CTIF: variants seen among roughly 807,000 people sequenced by gnomAD.
The protein encoded by CTIF is CBP80/20-dependent translation initiation factor.
A neutral mutation model predicts 66.0 loss-of-function variants in CTIF; 21 were observed. The ratio of observed to expected loss-of-function variants is 0.32; its 90% CI spans 0.23 to 0.46. CTIF has a LOEUF of 0.46. Among genes scored for constraint, CTIF ranks in the 20% least tolerant of loss-of-function variants. The pLI is 1.00. For synonymous variants in CTIF, 345 were observed against 326.4 expected (o/e 1.06, Z -0.62); for missense variants, 739 against 812.7 (o/e 0.91, Z 1.10).
chr18:48,632,067 A>G (rs980597976), intron 2 of CTIF, among the ~76,000 whole-genome samples: 2 of 152,200 alleles, frequency 1.3e-5, no homozygotes, highest in Non-Finnish European at 2.9e-5. Flanking sequence ...CTGTGCCACA[A>G]GAAGCTGGTG....
chr18:48,576,377 C>T (rs569348142), intron 1 of CTIF, among the ~76,000 whole-genome samples: 1 of 152,346 alleles, frequency 6.6e-6, no homozygotes, highest in African/African-American at 2.4e-5. Flanking sequence ...GGAAGGGAGG[C>T]GGGGTACTGG....
Position 48,595,364 on chromosome 18 carries a change from T to A in CTIF, c.-28-24174T>A, listed in dbSNP as rs552292509. ...GTTGGTTGTGCTGTCTATTGCTGTG[T>A]AATAAATTACCCCTCAAATTACCCC... On this transcript the variant is annotated intron_variant, in intron 1 of 11. Coordinates refer to ENST00000256413, the MANE Select transcript of CTIF (RefSeq NM_014772.3). 8.5e-5 allele frequency among the ~76,000 whole-genome samples: 13 copies of A among 152,332 alleles called. No individual in the cohort carries two copies. In the South Asian group the frequency reaches 1.9e-3, roughly 22 times the overall value.
rs139271263 is a variant in CTIF, at chr18:48,761,557, C to T, written c.1239C>T (p.Ile413=). The T allele has an allele frequency of 4.3e-4, 694 of 1,614,196 alleles. No homozygotes were observed. The highest frequency in any genetic ancestry group is 6.6e-4 in the South Asian group (60 of 91,090). The change falls in exon 9 of 12, where the codon ATC becomes ATT. Residue 413 remains isoleucine (I), a synonymous_variant. Transcript: ENST00000256413. This position sits in a 1 kb window ranked among gnomAD's most constrained non-coding sequence, Gnocchi z 4.2. The part of the protein sequence containing the change: ...STNSEEMLGE[I]VRTIYQKAVS... ...ACTCCGAGGAGATGCTGGGCGAGATCGTGCGCACAATCTACCAGAAGGCTG... is the reference window on the plus strand; with the variant it reads ...ACTCCGAGGAGATGCTGGGCGAGATTGTGCGCACAATCTACCAGAAGGCTG...
chr18:48,642,492 G>T (rs2090953580), intron 3 of CTIF, among the ~76,000 whole-genome samples: 1 of 152,182 alleles, frequency 6.6e-6, no homozygotes, highest in African/African-American at 2.4e-5. Flanking sequence ...GTAATAGTTA[G>T]GAGGCAGCAC....
intron 1 of CTIF, among the ~76,000 whole-genome samples, chr18:48,556,940 A>C (rs1203997508): frequency 6.6e-6 from 1 of 152,220 alleles, no homozygotes; most frequent in African/African-American, 2.4e-5. Context: ...TTGGCATAAC[A>C]GTGTCTACTT....
chr18:48,584,862 C>T (rs1270178874), intron 1 of CTIF, among the ~76,000 whole-genome samples: 1 of 152,234 alleles, frequency 6.6e-6, no homozygotes, highest in Non-Finnish European at 1.5e-5. Context: ...GCATAATTCA[C>T]ATACAGTAAA....
chr18:48,845,310 G>T (rs1446276677), intron 10 of CTIF, among the ~76,000 whole-genome samples: 3 of 152,208 alleles, frequency 2.0e-5, no homozygotes, highest in Non-Finnish European at 2.9e-5. Flanking sequence ...CCCAGTAGCA[G>T]CACTGAAGTC....
intron 7 of CTIF, among the ~76,000 whole-genome samples, chr18:48,736,557 A>G (rs1043067789): frequency 1.3e-5 from 2 of 152,218 alleles, no homozygotes; most frequent in African/African-American, 4.8e-5. Flanking sequence ...CCTTCTGGGC[A>G]TATATATTTC....
intron 9 of CTIF, among the ~76,000 whole-genome samples, chr18:48,794,040 G>A (rs1454078101): frequency 2.6e-5 from 4 of 152,156 alleles, no homozygotes; most frequent in East Asian, 1.9e-4. Flanking sequence ...CCCCAGGGGA[G>A]GCGAGGTAAT....
intron 7 of CTIF, among the ~76,000 whole-genome samples, chr18:48,754,980 T>A (rs984207461): frequency 6.6e-6 from 1 of 152,140 alleles, no homozygotes; most frequent in African/African-American, 2.4e-5. Context: ...GTTGTTTTCT[T>A]TTCTGGGGGT....
intron 6 of CTIF, among the ~76,000 whole-genome samples, chr18:48,671,464 T>C (rs1404125725): frequency 6.6e-6 from 1 of 152,184 alleles, no homozygotes; most frequent in Admixed American, 6.5e-5. Context: ...TCTCTCCTGA[T>C]TCTTCTCCTG....
At chr18:48,656,153 AAGAT>A (rs780537132) in intron 3 of CTIF, among the ~76,000 whole-genome samples, 1 of 152,218 alleles carries the variant, frequency 6.6e-6, no homozygotes, top group Admixed American at 6.5e-5. Context: ...ATCATTAACA[AAGAT>A]AGGTGTGGAG....
intron 10 of CTIF, among the ~76,000 whole-genome samples, chr18:48,849,236 C>T (rs547681773): frequency 1.6e-5 from 2 of 127,600 alleles, no homozygotes; most frequent in Admixed American, 9.6e-5. Flanking sequence ...CTTACTCTGT[C>T]GGTCAGGCAG....
intron 9 of CTIF, among the ~76,000 whole-genome samples, chr18:48,776,605 C>A (rs4329974): frequency 2.0e-5 from 3 of 152,182 alleles, no homozygotes; most frequent in African/African-American, 4.8e-5. Context: ...GGCACTGGGT[C>A]GGGTGTGGTC....
intron 1 of CTIF, among the ~76,000 whole-genome samples, chr18:48,568,685 A>C (rs1270052486): frequency 6.9e-6 from 1 of 144,248 alleles, no homozygotes; most frequent in Non-Finnish European, 1.5e-5. Flanking sequence ...TAATGGACTC[A>C]CAGTTCCACA....
At chr18:48,750,643 C>T (rs1907711421) in intron 7 of CTIF, among the ~76,000 whole-genome samples, 1 of 152,254 alleles carries the variant, frequency 6.6e-6, no homozygotes, top group African/African-American at 2.4e-5. Flanking sequence ...TCCCGAGACG[C>T]AGTGGAGCCA....
At chr18:48,613,425 G>C (rs2090344661) in intron 1 of CTIF, among the ~76,000 whole-genome samples, 1 of 152,202 alleles carries the variant, frequency 6.6e-6, no homozygotes, top group Non-Finnish European at 1.5e-5. Context: ...GGAAGCTACA[G>C]AGTGCTGGGC....
intron 9 of CTIF, among the ~76,000 whole-genome samples, chr18:48,770,838 C>T (rs1309657286): frequency 6.6e-6 from 1 of 152,186 alleles, no homozygotes; most frequent in Non-Finnish European, 1.5e-5. Context: ...TGAGGTAATG[C>T]ATGCACGGAC....
At chr18:48,846,508 T>TGAAA (rs1366392613) in intron 10 of CTIF, among the ~76,000 whole-genome samples, 1 of 146,530 alleles carries the variant, frequency 6.8e-6, no homozygotes, top group Non-Finnish European at 1.5e-5. Flanking sequence ...GATGGATGGA[T>TGAAA]GGATGGATGG....
Sources: gnomAD v4.1 joint callset for allele counts (sites outside exome capture counted in the v4.1 genomes callset) on GRCh38, gnomAD v4.1.1 for gene constraint, Gnocchi (gnomAD v3.1) non-coding constraint, MANE v1.5 for transcripts, NCBI Gene and HGNC (gene_info 2026-07-23, HGNC 2026-07-21) for gene names.